Variants in MSH4 observed in about 807,000 individuals in gnomAD.
MSH4 encodes mutS homolog 4.
MSH4 carries 106 observed loss-of-function variants against 113.7 expected under a neutral mutation model. The observed-to-expected ratio is 0.93, with a 90% confidence interval of 0.80 to 1.10. MSH4 has a LOEUF of 1.10. Among genes scored for constraint, MSH4 ranks in the 50% least tolerant of loss-of-function variants. The probability of loss-of-function intolerance (pLI) is 0.00; values close to 1 mark genes in which losing one functional copy is unlikely to be tolerated. For synonymous variants in MSH4, 368 were observed against 380.2 expected (o/e 0.97, Z 0.37); for missense variants, 1,061 against 1,093.7 (o/e 0.97, Z 0.42).
At chr1:75,837,561 A>C (rs1444013466) in intron 7 of MSH4, among the ~76,000 whole-genome samples, 1 of 151,716 alleles carries the variant, frequency 6.6e-6, no homozygotes, top group Non-Finnish European at 1.5e-5. Context: ...TAATTTTTGT[A>C]TTTTTAGTAG....
intron 9 of MSH4, among the ~76,000 whole-genome samples, chr1:75,872,458 TGTAA>T (rs1212046610): frequency 6.6e-6 from 1 of 152,234 alleles, no homozygotes; most frequent in African/African-American, 2.4e-5. Context: ...TGGATAATGG[TGTAA>T]GTGTCAAAGG....
At chr1:75,843,100 C>T (rs950769604) in intron 7 of MSH4, among the ~76,000 whole-genome samples, 7 of 152,324 alleles carry the variant, frequency 4.6e-5, no homozygotes, top group Admixed American at 2.0e-4. Context: ...CTCTCTGCCT[C>T]GGCTGCCAGG....
At chr1:75,876,484 G>A (rs148619447) in intron 9 of MSH4, among the ~76,000 whole-genome samples, 204 of 152,064 alleles carry the variant, frequency 1.3e-3, no homozygotes, top group African/African-American at 4.4e-3. Context: ...CCCCCTCATA[G>A]TTTTCATTAA....
intron 2 of MSH4, among the ~76,000 whole-genome samples, chr1:75,804,292 T>G (rs945432278): frequency 1.3e-5 from 2 of 152,058 alleles, no homozygotes; most frequent in African/African-American, 4.8e-5. Context: ...GAAGAGTAGA[T>G]AGATAAAATA....
intron 5 of MSH4, among the ~76,000 whole-genome samples, chr1:75,815,775 A>T (rs1212287144): frequency 6.6e-6 from 1 of 152,082 alleles, no homozygotes; most frequent in Non-Finnish European, 1.5e-5. Flanking sequence ...TCATGCCTGA[A>T]ATCCCAGCAC....
rs71588855 is a variant in MSH4, at chr1:75,824,904, GTTTT to G, written c.1162+2335_1162+2338del. On this transcript the variant is annotated intron_variant, in intron 7 of 19. Coordinates refer to ENST00000263187, the MANE Select transcript of MSH4 (RefSeq NM_002440.4). ...CAGGTAGCATAATACCTTCAGCTTT[GTTTT>G]TTTTTTTTTTTGCTTAGGATTGTTT... Among the ~76,000 whole-genome samples the G allele has an allele frequency of 1.4e-4, 17 of 120,236 alleles. No individual in the cohort carries two copies. In the South Asian group the frequency reaches 4.3e-3, roughly 31 times the overall value. 78.9% of individuals were successfully genotyped at this position (120,236 alleles called of 152,430 possible).
intron 6 of MSH4, among the ~76,000 whole-genome samples, chr1:75,818,629 A>G (rs1422918801): frequency 6.6e-6 from 1 of 152,174 alleles, no homozygotes; most frequent in Non-Finnish European, 1.5e-5. Flanking sequence ...TCCCATCGTC[A>G]TCTTTGCATT....
chr1:75,883,358 C>G (rs912383445), intron 14 of MSH4, among the ~76,000 whole-genome samples: 2 of 151,566 alleles, frequency 1.3e-5, no homozygotes, highest in African/African-American at 2.4e-5. Context: ...ATTTTATAAA[C>G]TATTTTGGAG....
At chr1:75,849,307 T>C (rs1248706526) in intron 8 of MSH4, among the ~76,000 whole-genome samples, 1 of 152,168 alleles carries the variant, frequency 6.6e-6, no homozygotes, top group Non-Finnish European at 1.5e-5. Flanking sequence ...AAATAGTGCT[T>C]ATGGGTATAT....
At chr1:75,802,893 G>A (rs999020769) in intron 1 of MSH4, among the ~76,000 whole-genome samples, 4 of 152,140 alleles carry the variant, frequency 2.6e-5, no homozygotes, top group Non-Finnish European at 5.9e-5. Context: ...GTCCTGTAGT[G>A]GTACAGGGCA....
In MSH4 at chr1:75,912,827, G is replaced by A; in HGVS notation, c.2751G>A (p.Lys917=). The A allele has an allele frequency of 6.3e-7, 1 of 1,584,264 alleles. No homozygotes were observed. ...DSLRIYLSNL[K]KKYKEDFPRT... ...TACGAATATATTTAAGTAACCTCAA[G>A]AAGAAGTACAAAGAAGATTTTCCCA... is the stretch of plus-strand genomic sequence containing the variant. Residue 917 remains lysine (K), a synonymous_variant, in exon 20 of 20, where the codon AAG becomes AAA. Coordinates refer to ENST00000263187, the MANE Select transcript of MSH4 (RefSeq NM_002440.4).
chr1:75,833,232 T>C (rs1650746443), intron 7 of MSH4, among the ~76,000 whole-genome samples: 1 of 152,156 alleles, frequency 6.6e-6, no homozygotes, highest in African/African-American at 2.4e-5. Context: ...TTATAAGGGA[T>C]GTGAAGGATG....
At chr1:75,798,712 C>G (rs1649872459) in intron 1 of MSH4, among the ~76,000 whole-genome samples, 1 of 151,592 alleles carries the variant, frequency 6.6e-6, no homozygotes, top group Non-Finnish European at 1.5e-5. Context: ...TGTGCCCCTA[C>G]AGATGGCTAA....
intron 19 of MSH4, among the ~76,000 whole-genome samples, chr1:75,905,627 C>A (rs1652608109): frequency 6.6e-6 from 1 of 151,966 alleles, no homozygotes; most frequent in Non-Finnish European, 1.5e-5. Context: ...GATGATCTGG[C>A]CATTACTGAG....
intron 8 of MSH4, among the ~76,000 whole-genome samples, chr1:75,862,698 T>C (rs1299276044): frequency 6.6e-6 from 1 of 152,198 alleles, no homozygotes; most frequent in East Asian, 1.9e-4. Flanking sequence ...TCATTTAATA[T>C]AAGCACAAAT....
At chr1:75,855,366 A>G (rs952443773) in intron 8 of MSH4, among the ~76,000 whole-genome samples, 2 of 152,166 alleles carry the variant, frequency 1.3e-5, no homozygotes, top group African/African-American at 4.8e-5. Flanking sequence ...CTGTGTAACA[A>G]AACACTATGA....
intron 7 of MSH4, among the ~76,000 whole-genome samples, chr1:75,825,030 A>G (rs1650517003): frequency 6.6e-6 from 1 of 151,792 alleles, no homozygotes; most frequent in Non-Finnish European, 1.5e-5. Flanking sequence ...TGGGAATAAC[A>G]TTGAATCTAT....
intron 2 of MSH4, among the ~76,000 whole-genome samples, chr1:75,804,499 C>CTT (rs5775308): frequency 2.4e-4 from 29 of 123,270 alleles, no homozygotes; most frequent in African/African-American, 7.8e-4. Flanking sequence ...TATGACCTTC[C>CTT]TTTTTTTTTT....
Position 75,898,046 on chromosome 1 carries a change from A to G in MSH4, c.2495A>G (p.Lys832Arg), listed in dbSNP as rs780315872. 19 of 1,598,018 alleles carry G rather than the reference A, an allele frequency of 1.2e-5. No homozygotes were observed. In the Admixed American group the frequency reaches 3.1e-4, roughly 26 times the overall value. The change falls in exon 18 of 20, where the codon AAA (lysine) becomes AGA (arginine). Residue 832 changes from lysine (K) to arginine (R), a missense_variant. Physicochemically the swap from Lys to Arg is conservative, Grantham distance 26. Transcript: ENST00000263187. ...RNKEAILYTY[K>R]LSKGLTEEKN... ...AAAGAAGCAATTTTGTATACCTACAAACTTTCTAAGGGACTCACAGAAGAG... is the reference window on the plus strand; with the variant it reads ...AAAGAAGCAATTTTGTATACCTACAGACTTTCTAAGGGACTCACAGAAGAG...
Sources: allele counts gnomAD v4.1 joint callset (sites outside exome capture counted in the v4.1 genomes callset), GRCh38; gene constraint gnomAD v4.1.1; transcripts MANE v1.5; gene names NCBI Gene and HGNC (gene_info 2026-07-23, HGNC 2026-07-21).